The following DPH6 variants were observed in gnomAD, a reference collection of about 807,000 sequenced individuals.
The protein encoded by DPH6 is diphthamine biosynthesis 6.
A neutral mutation model predicts 38.2 loss-of-function variants in DPH6; 33 were observed. The observed-to-expected ratio is 0.86, with a 90% CI of 0.65 to 1.15. The LOEUF (loss-of-function observed/expected upper bound fraction) is 1.15. DPH6 is among the 50% of genes most tolerant of loss of function. DPH6 has a pLI of 0.00. For missense variants in DPH6, 325 were observed against 320.0 expected, an observed-to-expected ratio of 1.02 and a Z score of -0.12; for synonymous variants, 108 against 103.0, an observed-to-expected ratio of 1.05 and a Z score of -0.30.
At chr15:35,250,185 C>A (rs763827280) in intron 3 of DPH6, among the ~76,000 whole-genome samples, 51 of 150,016 alleles carry the variant, frequency 3.4e-4, no homozygotes, top group Non-Finnish European at 5.3e-4. Flanking sequence ...CTCAAAAAAA[C>A]CAAAAAAACA....
At chr15:35,397,719 T>C (rs2053155997) in intron 6 of DPH6, among the ~76,000 whole-genome samples, 2 of 152,134 alleles carry the variant, frequency 1.3e-5, no homozygotes, top group African/African-American at 2.4e-5. Flanking sequence ...GGTCCCTCTC[T>C]AGGCTAGCTA....
intron 6 of DPH6, among the ~76,000 whole-genome samples, chr15:35,406,550 C>T (rs1201240422): frequency 1.3e-5 from 2 of 151,738 alleles, no homozygotes; most frequent in Non-Finnish European, 2.9e-5. Flanking sequence ...ACAGCAGATG[C>T]TAATGTGGTG....
At chr15:35,542,942 A>C (rs2055278578) in intron 1 of DPH6, among the ~76,000 whole-genome samples, 1 of 66,618 alleles carries the variant, frequency 1.5e-5, no homozygotes, top group Non-Finnish European at 2.9e-5. Context: ...ATTCCACTTA[A>C]GGAATATATA....
chr15:35,522,174 T>G (rs767466575), intron 3 of DPH6: 4 of 1,613,434 alleles, frequency 2.5e-6, no homozygotes, highest in Non-Finnish European at 3.4e-6. Context: ...ACAGTTCATT[T>G]GGAGTCCTGT....
intron 3 of DPH6, among the ~76,000 whole-genome samples, chr15:35,229,001 T>C (rs2051500216): frequency 1.3e-5 from 2 of 152,204 alleles, no homozygotes; most frequent in African/African-American, 4.8e-5. Flanking sequence ...CCTTTGAAAG[T>C]TTGATTATTA....
At chr15:35,356,957 T>C (rs1331785487) in intron 3 of DPH6, among the ~76,000 whole-genome samples, 1 of 152,180 alleles carries the variant, frequency 6.6e-6, no homozygotes, top group Non-Finnish European at 1.5e-5. Context: ...GGCCACTTTG[T>C]TTACCTACTC....
intron 3 of DPH6, among the ~76,000 whole-genome samples, chr15:35,342,233 G>C (rs1208701349): frequency 6.6e-6 from 1 of 152,208 alleles, no homozygotes; most frequent in Non-Finnish European, 1.5e-5. Context: ...CTGGTTCTCT[G>C]TATGTGCGTG....
At chr15:35,391,254 TG>T (rs1001987543) in intron 6 of DPH6, among the ~76,000 whole-genome samples, 10 of 152,148 alleles carry the variant, frequency 6.6e-5, no homozygotes, top group Admixed American at 3.9e-4. Flanking sequence ...CCGCCCCTAC[TG>T]GGGGGTGCCT....
At chr15:35,245,555 G>A (rs577543894) in intron 3 of DPH6, among the ~76,000 whole-genome samples, 4 of 152,126 alleles carry the variant, frequency 2.6e-5, no homozygotes, top group South Asian at 2.1e-4. Context: ...TTTAAATTGC[G>A]AGAAAAAGTA....
chr15:35,475,521 C>T (rs946738595), intron 3 of DPH6, among the ~76,000 whole-genome samples: 4 of 151,864 alleles, frequency 2.6e-5, no homozygotes, highest in African/African-American at 9.7e-5. Flanking sequence ...AAAGAAACTG[C>T]TATGCTATTG....
intron 3 of DPH6, among the ~76,000 whole-genome samples, chr15:35,285,134 A>G (rs1392230311): frequency 1.3e-5 from 2 of 152,140 alleles, no homozygotes; most frequent in Non-Finnish European, 2.9e-5. Context: ...ATTGGGATGC[A>G]TTTGAGATAT....
At chr15:35,166,890 C>T in the DPH6 span, among the ~76,000 whole-genome samples, 1 of 151,940 alleles carries the variant, frequency 6.6e-6, no homozygotes, top group Non-Finnish European at 1.5e-5. Flanking sequence ...CATTCTCAAG[C>T]AGCAGGGAAA....
chr15:35,199,676 C>G, the DPH6 span, among the ~76,000 whole-genome samples: 1 of 151,070 alleles, frequency 6.6e-6, no homozygotes, highest in Non-Finnish European at 1.5e-5. Context: ...GACAGATTAT[C>G]AAGTTTTTAT....
At chr15:35,308,810 T>C (rs771392142) in intron 3 of DPH6, among the ~76,000 whole-genome samples, 2 of 152,202 alleles carry the variant, frequency 1.3e-5, no homozygotes, top group South Asian at 2.1e-4. Context: ...ACTATGGAGA[T>C]AGCAAATATA....
At chr15:35,157,207 TG>T in the DPH6 span, among the ~76,000 whole-genome samples, 1 of 152,172 alleles carries the variant, frequency 6.6e-6, no homozygotes, top group Non-Finnish European at 1.5e-5. Context: ...CTAATTTTTC[TG>T]TTTCTTCATA....
chr15:35,237,415 T>C (rs1343408391), intron 3 of DPH6: 1 of 1,605,632 alleles, frequency 6.2e-7, no homozygotes, highest in African/African-American at 1.3e-5. Context: ...GTCGGTCGAA[T>C]GAAGGCAAAC....
chr15:35,339,559 A>G (rs1430022561), intron 3 of DPH6, among the ~76,000 whole-genome samples: 1 of 152,078 alleles, frequency 6.6e-6, no homozygotes, highest in Non-Finnish European at 1.5e-5. Context: ...TCCTAACTTC[A>G]GGTCATCTGC....
chr15:35,290,516 C>T (rs1005584363), intron 3 of DPH6, among the ~76,000 whole-genome samples: 1 of 152,128 alleles, frequency 6.6e-6, no homozygotes, highest in African/African-American at 2.4e-5. Flanking sequence ...GGCAAGAAGG[C>T]GATTTAGTGT....
In DPH6 at chr15:35,242,363, C is replaced by A. The variant is rs1220911996; in HGVS notation, n.201-21781G>T. On this transcript the variant is annotated intron_variant and non_coding_transcript_variant, in intron 3 of 3. Coordinates refer to the DPH6 transcript ENST00000560386. Reference sequence around the variant, plus strand: ...CAAGAGCCAGGACCGCACCCTATAGCCTTTCTGTCCAAACAACTTGACCTT... The same window carrying A: ...CAAGAGCCAGGACCGCACCCTATAGACTTTCTGTCCAAACAACTTGACCTT... Among the ~76,000 whole-genome samples, 3 of 142,402 alleles carry A rather than the reference C, an allele frequency of 2.1e-5. 1 individual carries two copies. The highest frequency in any genetic ancestry group is 4.6e-5 in the Non-Finnish European group (3 of 65,324). 93.4% of individuals were successfully genotyped at this position (142,402 alleles called of 152,430 possible). A position where few individuals can be genotyped will look rare whatever the true frequency, so the allele number is the denominator to read the frequency against.
Sources: allele counts gnomAD v4.1 joint callset (sites outside exome capture counted in the v4.1 genomes callset), GRCh38; gene constraint gnomAD v4.1.1; transcripts MANE v1.5; gene names NCBI Gene and HGNC (gene_info 2026-07-23, HGNC 2026-07-21).